Variants in TRMT9B observed in about 807,000 individuals in gnomAD.
TRMT9B encodes tRNA methyltransferase 9B (putative).
A neutral mutation model predicts 11.5 loss-of-function variants in TRMT9B; 16 were observed. That is an observed-to-expected ratio of 1.39 (90% CI 0.94 to 2.11). The LOEUF is 2.11. Among genes scored for constraint, TRMT9B ranks in the 30% most tolerant of loss-of-function variants. The pLI, the probability that TRMT9B is intolerant of heterozygous loss-of-function variation, is 0.00. For missense variants in TRMT9B, 941 were observed against 553.8 expected, an observed-to-expected ratio of 1.70 and a Z score of -7.02; for synonymous variants, 274 against 192.4, an observed-to-expected ratio of 1.42 and a Z score of -3.51.
chr8:13,027,042 A>G lies in TRMT9B; in HGVS notation c.*4998A>G, dbSNP rs959477649. On this transcript the variant is annotated 3_prime_UTR_variant, in exon 5 of 5. Coordinates refer to ENST00000524591, the MANE Select transcript of TRMT9B (RefSeq NM_020844.3). ...AATATTCTGGGACCACTTTTCTCCA[A>G]CTCTTCAACCTTTCAACAATTATAT... 5.4e-5 allele frequency: 9 copies of G among 166,910 alleles called. No individual in the cohort carries two copies. The highest frequency in any genetic ancestry group is 2.2e-4 in the African/African-American group (9 of 41,386). 10.3% of individuals were successfully genotyped at this position (166,910 alleles called of 1,614,324 possible).
In TRMT9B at chr8:13,022,234, T is replaced by C; in HGVS notation, c.*190T>C. On this transcript the variant is annotated 3_prime_UTR_variant, in exon 5 of 5. Coordinates refer to ENST00000524591, the MANE Select transcript of TRMT9B (RefSeq NM_020844.3). ...CACAGATTCTGGCATTGAAAGCACT[T>C]GACAAAGGGTATTTGTGCTTAAATG... The C allele has an allele frequency of 1.9e-6, 1 of 527,772 alleles. No individual in the cohort carries two copies. Among genetic ancestry groups the C allele is most frequent in the South Asian group, 3.3e-5 (1 of 29,982 alleles). 32.7% of individuals were successfully genotyped at this position (527,772 alleles called of 1,614,324 possible).
At chr8:13,011,539 AG>A (rs1220273445) in intron 3 of TRMT9B, 37 of 951,322 alleles carry the variant, frequency 3.9e-5, no homozygotes, top group African/African-American at 5.3e-5. Flanking sequence ...ATTTCTGGAA[AG>A]TAATTAGATT....
At chr8:12,948,811 T>A (rs1486237866) in intron 1 of TRMT9B, among the ~76,000 whole-genome samples, 1 of 151,930 alleles carries the variant, frequency 6.6e-6, no homozygotes, top group Non-Finnish European at 1.5e-5. Context: ...ATACAAAAAC[T>A]TAGCCGGGCA....
At chr8:13,019,377 G>A (rs959191105) in intron 4 of TRMT9B, among the ~76,000 whole-genome samples, 20 of 152,110 alleles carry the variant, frequency 1.3e-4, no homozygotes, top group Admixed American at 4.6e-4. Flanking sequence ...CTGCAAACTC[G>A]ACCTCCCTGG....
chr8:13,024,783 G>A lies in TRMT9B; in HGVS notation c.*2739G>A, dbSNP rs1341784047. On this transcript the variant is annotated 3_prime_UTR_variant, in exon 5 of 5. Transcript: ENST00000524591. ...ATAAGTCTTTTACTCTTCATCTAAT[G>A]AACATAAGAATCTATGCATCCAGAT... 1 of 166,986 alleles carries A rather than the reference G, an allele frequency of 6.0e-6. No homozygotes were observed. The highest frequency in any genetic ancestry group is 1.5e-5 in the Non-Finnish European group (1 of 68,120). 10.3% of individuals were successfully genotyped at this position (166,986 alleles called of 1,614,324 possible). A position where few individuals can be genotyped will look rare whatever the true frequency, so the allele number is the denominator to read the frequency against.
intron 2 of TRMT9B, among the ~76,000 whole-genome samples, chr8:12,999,907 C>T (rs181125377): frequency 9.9e-5 from 15 of 152,006 alleles, no homozygotes; most frequent in Admixed American, 3.9e-4. Context: ...TATATCTCTA[C>T]GAGAAAGAAA....
At position 12,964,332 on chromosome 8, in the gene TRMT9B, A is replaced by G. The variant is rs577235568; in HGVS notation, c.-200+18366A>G. ...AATAGTTGTGTATTTTACAAAATAGATGGCCTCCTAGCTTCTGTGAAATGT... is the reference window on the plus strand; with the variant it reads ...AATAGTTGTGTATTTTACAAAATAGGTGGCCTCCTAGCTTCTGTGAAATGT... On this transcript the variant is annotated intron_variant, in intron 1 of 4. Coordinates refer to ENST00000524591, the MANE Select transcript of TRMT9B (RefSeq NM_020844.3). Among the ~76,000 whole-genome samples the G allele has an allele frequency of 5.3e-5, 8 of 152,346 alleles. No homozygotes were observed. In the South Asian group the frequency reaches 8.3e-4, roughly 16 times the overall value.
chr8:13,021,243 T>A lies in TRMT9B; in HGVS notation c.564T>A (p.His188Gln). ...KRQCGYPERG[H>Q]PYHPPCSECS... ...AGTGTGGATACCCAGAAAGAGGCCA[T>A]CCCTACCATCCTCCTTGCTCTGAGT... Residue 188 changes from histidine (H) to glutamine (Q), a missense_variant, in exon 5 of 5, where the codon CAT (histidine) becomes CAA (glutamine). Physicochemically the swap from His to Gln is conservative, Grantham distance 24. Transcript: ENST00000524591. The A allele has an allele frequency of 6.2e-7, 1 of 1,614,010 alleles. No individual in the cohort carries two copies. The highest frequency in any genetic ancestry group is 8.5e-7 in the Non-Finnish European group (1 of 1,179,876).
At chr8:12,984,954 TACACACACACAC>T (rs112248064) in intron 1 of TRMT9B, among the ~76,000 whole-genome samples, 2 of 136,538 alleles carry the variant, frequency 1.5e-5, no homozygotes, top group East Asian at 4.1e-4. Context: ...TCCCTCAACA[TACACACACACAC>T]ACACACACAC....
chr8:12,990,238 A>T (rs1305008460), intron 1 of TRMT9B, among the ~76,000 whole-genome samples: 2 of 152,128 alleles, frequency 1.3e-5, no homozygotes, highest in Non-Finnish European at 1.5e-5. Context: ...GTGTTATAGG[A>T]TGGGCTTTTC....
intron 3 of TRMT9B, among the ~76,000 whole-genome samples, chr8:13,009,673 T>A (rs988493342): frequency 2.6e-5 from 4 of 152,212 alleles, no homozygotes; most frequent in Non-Finnish European, 5.9e-5. Context: ...ATTATAATTA[T>A]ACACCTAGGT....
At chr8:13,017,810 G>T (rs994636975) in intron 4 of TRMT9B, among the ~76,000 whole-genome samples, 2 of 151,324 alleles carry the variant, frequency 1.3e-5, no homozygotes, top group Non-Finnish European at 2.9e-5. Flanking sequence ...TTTTGGTAGA[G>T]ATGGGGTTTC....
rs1192599035 is a variant in TRMT9B at position 13,012,773 on chromosome 8, A to T, written c.244A>T (p.Asn82Tyr). The part of the protein sequence containing the change: ...YCGPLVEIAR[N>Y]RGCEAMVCDN... ...TGGGCCACTGGTAGAGATTGCCCGG[A>T]ATAGAGGATGTGAAGCCATGGTATG... is the stretch of plus-strand genomic sequence containing the variant. The change falls in exon 4 of 5, where the codon AAT becomes TAT. Residue 82 changes from asparagine to tyrosine, a missense_variant. Coordinates refer to ENST00000524591, the MANE Select transcript of TRMT9B (RefSeq NM_020844.3). 6.2e-7 allele frequency: 1 copy of T among 1,613,922 alleles called. No individual in the cohort carries two copies.
intron 3 of TRMT9B, chr8:13,010,573 A>G (rs1554531416): frequency 1.0e-6 from 1 of 985,252 alleles, no homozygotes; most frequent in Non-Finnish European, 1.2e-6. Context: ...GGGGCAAATC[A>G]AGAGTTCTAG....
intron 3 of TRMT9B, chr8:13,010,429 G>T (rs910122166): frequency 1.0e-6 from 1 of 984,988 alleles, no homozygotes; most frequent in Non-Finnish European, 1.2e-6. Flanking sequence ...AATGGTTTCT[G>T]TTGCTAGGTT....
chr8:12,963,534 G>A (rs1802420077), intron 1 of TRMT9B, among the ~76,000 whole-genome samples: 1 of 152,078 alleles, frequency 6.6e-6, no homozygotes, highest in Admixed American at 6.5e-5. Context: ...CAGATCGCTT[G>A]AGCCCAGGAA....
chr8:13,019,823 G>T (rs143519137), intron 4 of TRMT9B, among the ~76,000 whole-genome samples: 1 of 152,292 alleles, frequency 6.6e-6, no homozygotes, highest in East Asian at 1.9e-4. Context: ...CACAAAACTA[G>T]TTACCGAAAG....
At chr8:12,986,815 A>G (rs1806390810) in intron 1 of TRMT9B, among the ~76,000 whole-genome samples, 5 of 152,116 alleles carry the variant, frequency 3.3e-5, no homozygotes, top group Admixed American at 3.3e-4. Context: ...TCTCCTTAAT[A>G]TCCCTTCATT....
chr8:12,984,954 T>C (rs2460909), intron 1 of TRMT9B, among the ~76,000 whole-genome samples: 88,493 of 136,372 alleles, frequency 0.65, 28,205 homozygotes, highest in Admixed American at 0.72. Context: ...TCCCTCAACA[T>C]ACACACACAC....
Sources: allele counts gnomAD v4.1 joint callset (sites outside exome capture counted in the v4.1 genomes callset), GRCh38; gene constraint gnomAD v4.1.1; transcripts MANE v1.5; gene names NCBI Gene and HGNC (gene_info 2026-07-23, HGNC 2026-07-21).